The following ARHGEF7 variants were observed in gnomAD, a reference collection of about 807,000 sequenced individuals.
ARHGEF7 encodes the protein Rho guanine nucleotide exchange factor 7.
A neutral mutation model predicts 109.8 loss-of-function variants in ARHGEF7; 33 were observed. The ratio of observed to expected loss-of-function variants is 0.30; its 90% CI spans 0.23 to 0.40. The LOEUF (loss-of-function observed/expected upper bound fraction) is 0.40. Ranked by LOEUF, ARHGEF7 falls within the 10% of genes least tolerant of loss-of-function variation. The pLI, the probability that ARHGEF7 is intolerant of heterozygous loss-of-function variation, is 1.00. For synonymous variants in ARHGEF7, 458 were observed against 424.6 expected (o/e 1.08, Z -0.97); for missense variants, 938 against 1,098.5 (o/e 0.85, Z 2.07).
At chr13:111,125,751 A>G (rs1408062750) in intron 1 of ARHGEF7, among the ~76,000 whole-genome samples, 1 of 152,242 alleles carries the variant, frequency 6.6e-6, no homozygotes, top group Non-Finnish European at 1.5e-5. Flanking sequence ...GCTTAAGTTC[A>G]TAAGGGACTT....
chr13:111,260,093 G>C (rs1056461849), intron 8 of ARHGEF7, among the ~76,000 whole-genome samples: 1 of 152,114 alleles, frequency 6.6e-6, no homozygotes, highest in Non-Finnish European at 1.5e-5. Flanking sequence ...CAAAAACAAT[G>C]AAGCATGCCT....
At chr13:111,209,821 G>A (rs532466192) in intron 3 of ARHGEF7, 51 bp from the exon 4 acceptor site, 14 of 1,596,370 alleles carry the variant, frequency 8.8e-6, no homozygotes, top group Non-Finnish European at 1.2e-5. Flanking sequence ...GTGTGGGTGC[G>A]TGGTATCAGG....
chr13:111,283,439 G>T (rs1386355554), intron 16 of ARHGEF7, 76 bp downstream of exon 16: 50 of 1,501,962 alleles, frequency 3.3e-5, no homozygotes, highest in Non-Finnish European at 3.8e-5. Context: ...CACGTGCTGG[G>T]CCTTCTGTGT....
chr13:111,224,286 T>C (rs2084894399), intron 5 of ARHGEF7, among the ~76,000 whole-genome samples: 1 of 140,096 alleles, frequency 7.1e-6, no homozygotes, highest in African/African-American at 2.6e-5. Context: ...CAAGGTCCAT[T>C]CTGGAAGTGA....
chr13:111,152,467 C>T (rs148964675), intron 1 of ARHGEF7, among the ~76,000 whole-genome samples: 13 of 152,266 alleles, frequency 8.5e-5, no homozygotes, highest in African/African-American at 1.7e-4. Flanking sequence ...TGTACAGTTT[C>T]GATGGAAACA....
chr13:111,187,097 T>A, intron 2 of ARHGEF7: 1 of 805,088 alleles, frequency 1.2e-6, no homozygotes, highest in Non-Finnish European at 1.5e-6. Context: ...GTGTGTCCTT[T>A]TGCGTGCATT....
chr13:111,274,617 G>A (rs1361236533), intron 10 of ARHGEF7, 114 bp from the exon 11 acceptor site: 11 of 479,876 alleles, frequency 2.3e-5, no homozygotes, highest in Non-Finnish European at 3.6e-5. Flanking sequence ...AGGGAAAAAG[G>A]GAATGTTAAG....
chr13:111,227,348 C>T (rs1374207391), intron 5 of ARHGEF7, among the ~76,000 whole-genome samples: 1 of 152,224 alleles, frequency 6.6e-6, no homozygotes, highest in Non-Finnish European at 1.5e-5. Context: ...GATACTGGCA[C>T]ACTTCATTGT....
intron 18 of ARHGEF7, among the ~76,000 whole-genome samples, chr13:111,289,728 G>T (rs917152762): frequency 6.6e-6 from 1 of 152,152 alleles, no homozygotes; most frequent in Non-Finnish European, 1.5e-5. Flanking sequence ...TATCAAAGAC[G>T]GCTGCAGCTG....
intron 5 of ARHGEF7, among the ~76,000 whole-genome samples, chr13:111,221,039 G>C (rs1243654610): frequency 6.8e-6 from 1 of 146,978 alleles, no homozygotes; most frequent in Non-Finnish European, 1.5e-5. Context: ...TATATATAAA[G>C]GGGAGATATA....
rs1006395779 is a variant in ARHGEF7, at chr13:111,295,078, C to G, written c.2311+2784C>G. The stretch of plus-strand genomic sequence containing the variant: ...CAATTGGATGTATATCTGAATGTTG[C>G]ATTGTATTGTACAGTATGCATATTA... On this transcript the variant is annotated intron_variant, in intron 19 of 21. Coordinates refer to ENST00000646102, the MANE Select transcript of ARHGEF7 (RefSeq NM_001354046.2). 6.1e-6 allele frequency: 6 copies of G among 984,256 alleles called. No individual in the cohort carries two copies. The African/African-American group carries it at 8.8e-5, about 14-fold the overall frequency. The allele number at this position is 984,256 out of a possible 1,614,324, so 61.0% of individuals were successfully genotyped here.
chr13:111,253,179 C>T (rs769547164), intron 8 of ARHGEF7, among the ~76,000 whole-genome samples: 9 of 152,204 alleles, frequency 5.9e-5, no homozygotes, highest in Non-Finnish European at 1.2e-4. Flanking sequence ...TTCTATGTGT[C>T]GGAGAATTCC....
intron 2 of ARHGEF7, among the ~76,000 whole-genome samples, chr13:111,159,358 A>G (rs2076576764): frequency 6.6e-6 from 1 of 152,238 alleles, no homozygotes; most frequent in Admixed American, 6.5e-5. Flanking sequence ...GAGTGCAGAC[A>G]TCTCTTCAAC....
rs189203397 is a variant in ARHGEF7, at chr13:111,276,976, A to G, written c.1420-611A>G. Among the ~76,000 whole-genome samples, 392 of 152,314 alleles carry G rather than the reference A, an allele frequency of 2.6e-3. 2 individuals carry two copies. The highest frequency in any genetic ancestry group is 9.1e-3 in the African/African-American group (377 of 41,578). ...TACTGAAGCAAATGATTTTTAATAC[A>G]TAAGTAATACTTTTAAGTCTGATGT... On this transcript the variant is annotated intron_variant, in intron 12 of 21. Transcript: ENST00000646102.
rs368012318 is a variant in ARHGEF7, at chr13:111,241,023, G to A, written c.760-2849G>A. On this transcript the variant is annotated intron_variant, in intron 6 of 21. Coordinates refer to ENST00000646102, the MANE Select transcript of ARHGEF7 (RefSeq NM_001354046.2). ...CAACGAATAAAGTGTCTGTGTCTGC[G>A]AGGCACAGCAGTGAGTCCTCTTTGT... 7.8e-4 allele frequency: 685 copies of A among 875,336 alleles called. 10 individuals carry two copies. The South Asian group carries it at 0.013, about 16-fold the overall frequency. 54.2% of individuals were successfully genotyped at this position (875,336 alleles called of 1,614,324 possible).
At chr13:111,261,405 C>T (rs1595296112) in intron 8 of ARHGEF7, among the ~76,000 whole-genome samples, 1 of 152,220 alleles carries the variant, frequency 6.6e-6, no homozygotes, top group Admixed American at 6.5e-5. Context: ...GTCAATTCAG[C>T]AAGAGGATAT....
Position 111,292,260 on chromosome 13 carries a change from G to C in ARHGEF7, c.2277G>C (p.Trp759Cys). The change falls in exon 19 of 22, where the codon TGG (tryptophan) becomes TGC (cysteine). Residue 759 changes from tryptophan to cysteine, a missense_variant. Coordinates refer to ENST00000646102, the MANE Select transcript of ARHGEF7 (RefSeq NM_001354046.2). ...AAGACTCTGACTATGACAGTATATG[G>C]ACAGCCCATAGTTACAGAATGGGTT... ...LSEDSDYDSI[W>C]TAHSYRMGST... The C allele has an allele frequency of 6.2e-7, 1 of 1,614,206 alleles. No homozygotes were observed. The highest frequency in any genetic ancestry group is 8.5e-7 in the Non-Finnish European group (1 of 1,180,050).
intron 17 of ARHGEF7, among the ~76,000 whole-genome samples, chr13:111,286,615 G>A (rs913559605): frequency 2.0e-5 from 3 of 152,070 alleles, no homozygotes; most frequent in South Asian, 2.1e-4. Flanking sequence ...TGTTAGAAGC[G>A]TGACCTGCTG....
intron 2 of ARHGEF7, among the ~76,000 whole-genome samples, chr13:111,204,219 G>A (rs1439390317): frequency 6.6e-6 from 1 of 152,198 alleles, no homozygotes; most frequent in African/African-American, 2.4e-5. Flanking sequence ...TGCTAGAGGT[G>A]TGGGGAGAGG....
Sources: allele counts gnomAD v4.1 joint callset (sites outside exome capture counted in the v4.1 genomes callset), GRCh38; gene constraint gnomAD v4.1.1; transcripts MANE v1.5; gene names NCBI Gene and HGNC (gene_info 2026-07-23, HGNC 2026-07-21).